The following CCAR2 variants were observed in gnomAD, a reference collection of about 807,000 sequenced individuals.
CCAR2 encodes cell cycle and apoptosis regulator 2, also known as cell cycle and apoptosis regulator protein 2.
Under a neutral mutation model 108.1 loss-of-function variants are expected in CCAR2, and 21 were observed. The ratio of observed to expected loss-of-function variants is 0.19; its 90% CI spans 0.14 to 0.28. CCAR2 has a LOEUF of 0.28. Among genes scored for constraint, CCAR2 ranks in the 10% least tolerant of loss-of-function variants. CCAR2 has a pLI of 1.00. For missense variants in CCAR2, 1,126 were observed against 1,177.0 expected (o/e 0.96, Z 0.63); for synonymous variants, 577 against 472.8 (o/e 1.22, Z -2.86).
intron 5 of CCAR2, 64 bp from the exon 6 acceptor site, chr8:22,607,132 C>T (rs1471200470): frequency 6.2e-7 from 1 of 1,609,144 alleles, no homozygotes; most frequent in Non-Finnish European, 8.5e-7. Context: ...GGGACTGCAT[C>T]TTTCCAAGGT....
Position 22,620,162 on chromosome 8 carries a change from G to A in CCAR2, c.*480G>A, listed in dbSNP as rs1256879834. Reference sequence around the variant, plus strand: ...TGCTAGGTTCCGGACACAGGCTTCTGGGGGAAGGGTCTCCCTTGGCCATCA... The same window carrying A: ...TGCTAGGTTCCGGACACAGGCTTCTAGGGGAAGGGTCTCCCTTGGCCATCA... On this transcript the variant is annotated 3_prime_UTR_variant, in exon 21 of 21. Transcript: ENST00000308511. The A allele has an allele frequency of 6.2e-6, 1 of 160,978 alleles. No individual in the cohort carries two copies. The highest frequency in any genetic ancestry group is 1.4e-5 in the Non-Finnish European group (1 of 72,916). The allele number at this position is 160,978 out of a possible 1,614,324, so 10.0% of individuals were successfully genotyped here.
At chr8:22,619,560 C>G in intron 20 of CCAR2, 78 bp from the exon 21 acceptor site, 1 of 1,495,734 alleles carries the variant, frequency 6.7e-7, no homozygotes, top group Non-Finnish European at 9.1e-7. Flanking sequence ...AGCTTCCCAG[C>G]AGGAGGCAGT....
chr8:22,609,630 T>A (rs1801205186), intron 7 of CCAR2, among the ~76,000 whole-genome samples: 1 of 152,246 alleles, frequency 6.6e-6, no homozygotes, highest in African/African-American at 2.4e-5. Flanking sequence ...ATCTTCCTGG[T>A]CCTCAGTTTC....
At chr8:22,613,403 G>A (rs1801372299) in intron 8 of CCAR2, among the ~76,000 whole-genome samples, 1 of 147,990 alleles carries the variant, frequency 6.8e-6, no homozygotes, top group African/African-American at 2.5e-5. Context: ...TCATTGAATG[G>A]ATGAACATGA....
rs1801107852 is a variant in CCAR2 at position 22,607,129 on chromosome 8, C to T, written c.358-67C>T. 2.5e-6 allele frequency: 4 copies of T among 1,608,866 alleles called. No individual in the cohort carries two copies. The East Asian group carries it at 6.7e-5, about 27-fold the overall frequency. On this transcript the variant is annotated intron_variant, in intron 5 of 20. Coordinates refer to ENST00000308511, the MANE Select transcript of CCAR2 (RefSeq NM_001393997.1). ...GACTTTTGTCAGGGGGGTGGGACTGCATCTTTCCAAGGTAGTGAGTGCCTC... is the reference window on the plus strand; with the variant it reads ...GACTTTTGTCAGGGGGGTGGGACTGTATCTTTCCAAGGTAGTGAGTGCCTC...
Position 22,606,100 on chromosome 8 carries a change from C to T in CCAR2, c.74C>T (p.Ser25Phe). 1 of 1,614,050 alleles carries T rather than the reference C, an allele frequency of 6.2e-7. No homozygotes were observed. The highest frequency in any genetic ancestry group is 8.5e-7 in the Non-Finnish European group (1 of 1,179,916). The change falls in exon 3 of 21, where the codon TCT becomes TTT. Residue 25 changes from serine (S) to phenylalanine (F), a missense_variant. By Grantham distance (155) the Ser-to-Phe change is radical. Around this residue, in one of 4 missense-constraint regions of CCAR2, gnomAD observed 52 missense variants for 63.7 expected, o/e 0.82. Coordinates refer to ENST00000308511, the MANE Select transcript of CCAR2 (RefSeq NM_001393997.1). Reference protein sequence around the residue: ...GRNFSGTASTSLLGPPPGLLT... With the variant: ...GRNFSGTASTFLLGPPPGLLT... ...TTCCCCATAGGCACAGCTTCAACAT[C>T]TCTTCTGGGCCCTCCTCCTGGTTTG...
At chr8:22,619,075 G>A in intron 19 of CCAR2, 60 bp downstream of exon 19, 1 of 1,600,138 alleles carries the variant, frequency 6.2e-7, no homozygotes. Flanking sequence ...GGAACCTGCT[G>A]CTTAGGCTCA....
At chr8:22,619,118 C>T in intron 19 of CCAR2, 32 bp from the exon 20 acceptor site, 3 of 1,601,246 alleles carry the variant, frequency 1.9e-6, no homozygotes, top group Non-Finnish European at 2.6e-6. Flanking sequence ...CTTGATGGAG[C>T]AGCCGTCCCC....
chr8:22,615,321 G>T, intron 11 of CCAR2, 104 bp from the exon 12 acceptor site: 1 of 1,361,786 alleles, frequency 7.3e-7, no homozygotes. Context: ...TTCGCAGTGT[G>T]TGCTCATTGA....
At chr8:22,611,691 C>T (rs1801289197) in intron 7 of CCAR2, among the ~76,000 whole-genome samples, 1 of 152,078 alleles carries the variant, frequency 6.6e-6, no homozygotes, top group Admixed American at 6.6e-5. Context: ...TTCCATATTG[C>T]AGCATAATCC....
intron 4 of CCAR2, 65 bp downstream of exon 4, chr8:22,606,763 A>T: frequency 2.7e-6 from 4 of 1,482,832 alleles, no homozygotes; most frequent in Non-Finnish European, 3.7e-6. Flanking sequence ...CCATGCTGGT[A>T]TTGCCCCCAC....
chr8:22,614,365 GCT>G lies in CCAR2; in HGVS notation c.928-22_928-21del, dbSNP rs757927910. On this transcript the variant is annotated intron_variant, in intron 9 of 20. Coordinates refer to ENST00000308511, the MANE Select transcript of CCAR2 (RefSeq NM_001393997.1). ...ATCTGATTTCTGGAGGCTGAAGGCAGCTCTGAGTGTCTCCTCCTGCACAGGTA... is the reference window on the plus strand; with the variant it reads ...ATCTGATTTCTGGAGGCTGAAGGCAGCTGAGTGTCTCCTCCTGCACAGGTA... The G allele has an allele frequency of 3.1e-6, 5 of 1,613,736 alleles. No individual in the cohort carries two copies. In the African/African-American group the frequency reaches 4.0e-5, roughly 13 times the overall value.
intron 14 of CCAR2, among the ~76,000 whole-genome samples, chr8:22,616,886 TTTTTTTTTTTG>T (rs1446154982): frequency 3.5e-4 from 23 of 66,402 alleles, no homozygotes; most frequent in East Asian, 1.9e-3. Flanking sequence ...TTTTTTTTTT[TTTTTTTTTTTG>T]GGGAGATGGA....
chr8:22,613,317 T>C (rs1417771611), intron 8 of CCAR2, among the ~76,000 whole-genome samples, 181 bp downstream of exon 8: 2 of 152,060 alleles, frequency 1.3e-5, no homozygotes, highest in African/African-American at 2.4e-5. Context: ...GAATGTACTT[T>C]AGATTTTATT....
At position 22,615,578 on chromosome 8, in the gene CCAR2, A is replaced by G. The variant is rs201358478; in HGVS notation, c.1359A>G (p.Pro453=). 108 of 1,613,812 alleles carry G rather than the reference A, an allele frequency of 6.7e-5. No homozygotes were observed. In the East Asian group the frequency reaches 2.4e-3, roughly 35 times the overall value. Residue 453 remains proline (P), a synonymous_variant, in exon 12 of 21, where the codon CCA becomes CCG. Coordinates refer to ENST00000308511, the MANE Select transcript of CCAR2 (RefSeq NM_001393997.1). ...CQQKAAEAAP[P]TQEAQGETEP... Reference sequence around the variant, plus strand: ...AGAAAGCTGCAGAGGCAGCTCCCCCAACCCAGGAGGCACAAGGGGTAAGGC... The same window carrying G: ...AGAAAGCTGCAGAGGCAGCTCCCCCGACCCAGGAGGCACAAGGGGTAAGGC...
At position 22,616,001 on chromosome 8, in the gene CCAR2, C is replaced by G. The variant is rs1368589550; in HGVS notation, c.1609-11C>G. 2.5e-6 allele frequency: 4 copies of G among 1,613,418 alleles called. No individual in the cohort carries two copies. The highest frequency in any genetic ancestry group is 2.7e-5 in the African/African-American group (2 of 74,874). Reference sequence around the variant, plus strand: ...TCCTGATGCTCATGGACCCTCCCACCTCCCCATCAGGTGATGGTGCTGGCC... The same window carrying G: ...TCCTGATGCTCATGGACCCTCCCACGTCCCCATCAGGTGATGGTGCTGGCC... On this transcript the variant is annotated splice_polypyrimidine_tract_variant and intron_variant, in intron 13 of 20. Coordinates refer to ENST00000308511, the MANE Select transcript of CCAR2 (RefSeq NM_001393997.1).
rs6998311 is a variant in CCAR2 at position 22,612,934 on chromosome 8, T to A, written c.585-83T>A. 2.9e-4 allele frequency: 420 copies of A among 1,435,396 alleles called. 1 individual carries two copies. In the African/African-American group the frequency reaches 5.4e-3, roughly 19 times the overall value. 88.9% of individuals were successfully genotyped at this position (1,435,396 alleles called of 1,614,324 possible). ...TTTATTGAATGTGAGGGATTTCGATTGTTTCCAGTTCTTTTAGTTCAGTTT... is the reference window on the plus strand; with the variant it reads ...TTTATTGAATGTGAGGGATTTCGATAGTTTCCAGTTCTTTTAGTTCAGTTT... On this transcript the variant is annotated intron_variant, in intron 7 of 20. Coordinates refer to ENST00000308511, the MANE Select transcript of CCAR2 (RefSeq NM_001393997.1).
In CCAR2 at chr8:22,605,756, A is replaced by G; in HGVS notation, c.-18A>G. On this transcript the variant is annotated 5_prime_UTR_variant, in exon 2 of 21. Transcript: ENST00000308511. ...TGAAGCCTTTTCCCCACGACTCTGA[A>G]AGAGGACAGCGTTCCCAATGTCCCA... 1 of 1,612,154 alleles carries G rather than the reference A, an allele frequency of 6.2e-7. No homozygotes were observed. Among genetic ancestry groups the G allele is most frequent in the Non-Finnish European group, 8.5e-7 (1 of 1,178,712 alleles).
At chr8:22,613,574 A>G (rs1415802345) in intron 8 of CCAR2, among the ~76,000 whole-genome samples, 1 of 152,164 alleles carries the variant, frequency 6.6e-6, no homozygotes, top group Non-Finnish European at 1.5e-5. Context: ...AGTTCTCCTG[A>G]AGAGGCTGTG....
Sources: gnomAD v4.1 joint callset for allele counts (sites outside exome capture counted in the v4.1 genomes callset) on GRCh38, gnomAD v4.1.1 for gene constraint, gnomAD v4.1.1 regional missense constraint, MANE v1.5 for transcripts, NCBI Gene and HGNC (gene_info 2026-07-23, HGNC 2026-07-21) for gene names.